Variants in SLC39A11 observed in about 807,000 individuals in gnomAD.
The protein encoded by SLC39A11 is solute carrier family 39 member 11.
SLC39A11 carries 33 observed loss-of-function variants against 36.1 expected under a neutral mutation model. That is an observed-to-expected ratio of 0.91 (90% confidence interval 0.69 to 1.22). The LOEUF (loss-of-function observed/expected upper bound fraction) is 1.22. Among genes scored for constraint, SLC39A11 ranks in the 50% most tolerant of loss-of-function variants. SLC39A11 has a pLI of 0.00. For missense variants in SLC39A11, 432 were observed against 430.3 expected (o/e 1.00, Z -0.03); for synonymous variants, 166 against 170.3 (o/e 0.97, Z 0.20).
chr17:72,654,730 A>C (rs2070025152), intron 7 of SLC39A11, among the ~76,000 whole-genome samples: 1 of 152,216 alleles, frequency 6.6e-6, no homozygotes, highest in South Asian at 2.1e-4. Context: ...TTTGCCAGGC[A>C]CTTGGTGGCT....
intron 4 of SLC39A11, among the ~76,000 whole-genome samples, chr17:72,967,395 A>T (rs1458246732): frequency 1.4e-5 from 2 of 143,956 alleles, no homozygotes; most frequent in African/African-American, 5.7e-5. Flanking sequence ...AGAGAGAGAG[A>T]GAGAGTGTGT....
At chr17:72,933,478 C>T (rs1193508289) in intron 5 of SLC39A11, among the ~76,000 whole-genome samples, 1 of 152,060 alleles carries the variant, frequency 6.6e-6, no homozygotes, top group Non-Finnish European at 1.5e-5. Flanking sequence ...CAATTTCCTC[C>T]AAATTGGTTT....
At chr17:72,843,966 T>A (rs1009419157) in intron 6 of SLC39A11, among the ~76,000 whole-genome samples, 8 of 151,730 alleles carry the variant, frequency 5.3e-5, no homozygotes, top group African/African-American at 1.7e-4. Flanking sequence ...CAAAAAAAAA[T>A]TTTTTTTAGC....
At chr17:72,741,915 C>G (rs924361837) in intron 6 of SLC39A11, among the ~76,000 whole-genome samples, 9 of 151,884 alleles carry the variant, frequency 5.9e-5, no homozygotes, top group African/African-American at 2.2e-4. Flanking sequence ...AGAATGAGTA[C>G]CCAGCCGGGC....
At chr17:72,828,873 AACTC>A (rs1417674225) in intron 6 of SLC39A11, among the ~76,000 whole-genome samples, 1 of 152,150 alleles carries the variant, frequency 6.6e-6, no homozygotes, top group Non-Finnish European at 1.5e-5. Context: ...GATTTGATGA[AACTC>A]ACAGGAGTCA....
At chr17:73,044,796 G>C (rs1041521365) in intron 3 of SLC39A11, among the ~76,000 whole-genome samples, 2 of 150,548 alleles carry the variant, frequency 1.3e-5, no homozygotes, top group Non-Finnish European at 2.9e-5. Context: ...AGAATCACTT[G>C]AACCTGGGAG....
At chr17:73,070,587 C>G (rs2060132736) in intron 3 of SLC39A11, among the ~76,000 whole-genome samples, 2 of 152,166 alleles carry the variant, frequency 1.3e-5, no homozygotes, top group African/African-American at 4.8e-5. Flanking sequence ...CCGGCTTTGG[C>G]TGCACATCAC....
intron 3 of SLC39A11, among the ~76,000 whole-genome samples, chr17:73,050,664 C>T (rs952336631): frequency 4.6e-5 from 7 of 152,120 alleles, no homozygotes; most frequent in Non-Finnish European, 8.8e-5. Flanking sequence ...AGGGTTTCAC[C>T]ATGTTGGCCA....
chr17:72,879,487 T>C (rs1400660642), intron 5 of SLC39A11, among the ~76,000 whole-genome samples: 4 of 152,244 alleles, frequency 2.6e-5, no homozygotes, highest in Non-Finnish European at 4.4e-5. Flanking sequence ...ACAGTATCAC[T>C]CACTGCTATC....
At chr17:72,792,465 A>T (rs760164095) in intron 6 of SLC39A11, among the ~76,000 whole-genome samples, 60 of 152,050 alleles carry the variant, frequency 3.9e-4, no homozygotes, top group Non-Finnish European at 7.9e-4. Context: ...GAGCCAGGGA[A>T]CTCGCAGCTA....
At chr17:72,952,148 GA>G (rs1277744758) in intron 4 of SLC39A11, among the ~76,000 whole-genome samples, 2 of 152,168 alleles carry the variant, frequency 1.3e-5, no homozygotes, top group African/African-American at 4.8e-5. Flanking sequence ...GGGAGCTACA[GA>G]AAGTATCTCC....
chr17:72,770,478 T>A (rs1490670861), intron 6 of SLC39A11, among the ~76,000 whole-genome samples: 1 of 152,212 alleles, frequency 6.6e-6, no homozygotes, highest in Non-Finnish European at 1.5e-5. Flanking sequence ...CAGCCTGACC[T>A]AATGTTCTTA....
intron 6 of SLC39A11, among the ~76,000 whole-genome samples, chr17:72,828,957 G>A (rs1234029346): frequency 6.6e-6 from 1 of 152,168 alleles, no homozygotes; most frequent in African/African-American, 2.4e-5. Flanking sequence ...TCTTTCTCAC[G>A]TAAGATGAAG....
At chr17:72,982,908 T>C (rs73349348) in intron 4 of SLC39A11, among the ~76,000 whole-genome samples, 12,158 of 152,152 alleles carry the variant, frequency 0.08, 956 homozygotes, top group African/African-American at 0.19. Flanking sequence ...GTTTGGAGTA[T>C]AATGGGCAGC....
At chr17:72,912,754 A>C (rs2083092891) in intron 5 of SLC39A11, among the ~76,000 whole-genome samples, 1 of 152,170 alleles carries the variant, frequency 6.6e-6, no homozygotes, top group African/African-American at 2.4e-5. Flanking sequence ...GGACAAGCTG[A>C]CATGGAGAAG....
chr17:72,673,490 C>T (rs1042103185), intron 7 of SLC39A11, among the ~76,000 whole-genome samples: 1 of 152,032 alleles, frequency 6.6e-6, no homozygotes, highest in Non-Finnish European at 1.5e-5. Flanking sequence ...TCATAGTTTG[C>T]ACATCAGGTG....
At chr17:72,697,250 T>C (rs187207454) in intron 7 of SLC39A11, among the ~76,000 whole-genome samples, 2 of 152,282 alleles carry the variant, frequency 1.3e-5, no homozygotes, top group Non-Finnish European at 2.9e-5. Context: ...TTCTGGCTAA[T>C]TTTTGTATTT....
intron 7 of SLC39A11, among the ~76,000 whole-genome samples, chr17:72,728,173 G>A (rs2074010777): frequency 6.6e-6 from 1 of 152,096 alleles, no homozygotes; most frequent in Admixed American, 6.5e-5. Context: ...ATAGCCAGGT[G>A]TGGTGGCTCA....
At chr17:73,086,090 T>C (rs1224251875) in intron 2 of SLC39A11, among the ~76,000 whole-genome samples, 1 of 152,148 alleles carries the variant, frequency 6.6e-6, no homozygotes, top group Non-Finnish European at 1.5e-5. Flanking sequence ...AGAGATCACA[T>C]GGGAGATGAC....
Sources: allele counts gnomAD v4.1 joint callset (sites outside exome capture counted in the v4.1 genomes callset), GRCh38; gene constraint gnomAD v4.1.1; transcripts MANE v1.5; gene names NCBI Gene and HGNC (gene_info 2026-07-23, HGNC 2026-07-21).